The following MIPOL1 variants were observed in gnomAD, a reference collection of about 807,000 sequenced individuals.
The protein encoded by MIPOL1 is mirror-image polydactyly 1, also known as mirror-image polydactyly gene 1 protein.
In MIPOL1, 57 loss-of-function variants were observed where a neutral mutation model predicts 60.9. The ratio of observed to expected loss-of-function variants is 0.94; its 90% CI spans 0.76 to 1.17. The LOEUF is 1.17. MIPOL1 is among the 50% of genes most tolerant of loss of function. MIPOL1 has a pLI of 0.00. For missense variants in MIPOL1, 551 were observed against 511.6 expected (o/e 1.08, Z -0.74); for synonymous variants, 179 against 168.8 (o/e 1.06, Z -0.47).
At chr14:37,351,815 T>C (rs1176901664) in intron 9 of MIPOL1, among the ~76,000 whole-genome samples, 1 of 143,720 alleles carries the variant, frequency 7.0e-6, no homozygotes, top group African/African-American at 2.6e-5. Flanking sequence ...ATTAGCCCTT[T>C]GTCAGATGAG....
intron 9 of MIPOL1, among the ~76,000 whole-genome samples, chr14:37,361,658 G>C (rs6571808): frequency 7.4e-6 from 1 of 135,630 alleles, no homozygotes; most frequent in Non-Finnish European, 1.5e-5. Context: ...CAGTCTGAAG[G>C]GCAGTGGCTC....
At chr14:37,272,994 G>A (rs2083404310) in intron 6 of MIPOL1, among the ~76,000 whole-genome samples, 1 of 151,142 alleles carries the variant, frequency 6.6e-6, no homozygotes, top group Non-Finnish European at 1.5e-5. Flanking sequence ...CTTAGAGTAT[G>A]TAAAATATAG....
In MIPOL1 at chr14:37,372,039, C is replaced by T. The variant is rs190278930; in HGVS notation, c.936+2415C>T. Among the ~76,000 whole-genome samples the T allele has an allele frequency of 5.9e-3, 901 of 152,144 alleles. 5 individuals carry two copies. The highest frequency in any genetic ancestry group is 9.2e-3 in the Non-Finnish European group (627 of 67,978). ...GGAACAACTCTTTAAAAACGATTCA[C>T]TGTCTCTAAAGCTTTCAGTCTGCCA... On this transcript the variant is annotated intron_variant, in intron 10 of 12. Transcript: ENST00000684589.
chr14:37,535,881 C>A (rs1013249948), intron 12 of MIPOL1, among the ~76,000 whole-genome samples: 1 of 151,588 alleles, frequency 6.6e-6, no homozygotes, highest in Admixed American at 6.6e-5. Context: ...TTTTCAATTT[C>A]TTTTTCCTTT....
At chr14:37,472,283 C>T (rs1249698314) in intron 11 of MIPOL1, among the ~76,000 whole-genome samples, 1 of 152,054 alleles carries the variant, frequency 6.6e-6, no homozygotes, top group Non-Finnish European at 1.5e-5. Flanking sequence ...AAAATATTGG[C>T]CCTATGTAAG....
At chr14:37,542,347 TCTC>T (rs1258558912) in intron 12 of MIPOL1, among the ~76,000 whole-genome samples, 1 of 152,102 alleles carries the variant, frequency 6.6e-6, no homozygotes, top group Non-Finnish European at 1.5e-5. Context: ...CTCCCTCTCT[TCTC>T]CTTTTTTATT....
At chr14:37,532,027 C>T (rs749433301) in intron 12 of MIPOL1, among the ~76,000 whole-genome samples, 11 of 152,074 alleles carry the variant, frequency 7.2e-5, no homozygotes, top group African/African-American at 1.2e-4. Flanking sequence ...GTATTACTTA[C>T]GCATTTCTGA....
intron 7 of MIPOL1, among the ~76,000 whole-genome samples, chr14:37,299,559 C>T (rs1007449976): frequency 1.1e-4 from 16 of 151,938 alleles, no homozygotes; most frequent in Admixed American, 2.0e-4. Flanking sequence ...TTTTGGTGTT[C>T]GGATTTCACT....
At chr14:37,443,940 A>C (rs1371403187) in intron 11 of MIPOL1, among the ~76,000 whole-genome samples, 1 of 152,098 alleles carries the variant, frequency 6.6e-6, no homozygotes, top group Non-Finnish European at 1.5e-5. Flanking sequence ...CATGTGATGA[A>C]ATTCAAAACC....
intron 11 of MIPOL1, among the ~76,000 whole-genome samples, chr14:37,426,637 T>TAC (rs968619870): frequency 6.3e-5 from 9 of 143,576 alleles, no homozygotes; most frequent in African/African-American, 1.8e-4. Flanking sequence ...TGTATATATA[T>TAC]ATATTATATA....
chr14:37,472,012 A>G lies in MIPOL1; in HGVS notation c.1032-27896A>G, dbSNP rs1302747024. Among the ~76,000 whole-genome samples, 3 of 152,304 alleles carry G rather than the reference A, an allele frequency of 2.0e-5. No homozygotes were observed. The East Asian group carries it at 5.8e-4, about 29-fold the overall frequency. Reference sequence around the variant, plus strand: ...ATGCAGTGACCCAATTCCAAGTAAAACAAAGCATATGCTTACAGTAGGCAT... The same window carrying G: ...ATGCAGTGACCCAATTCCAAGTAAAGCAAAGCATATGCTTACAGTAGGCAT... On this transcript the variant is annotated intron_variant, in intron 11 of 12. Coordinates refer to ENST00000684589, the MANE Select transcript of MIPOL1 (RefSeq NM_001388067.1).
chr14:37,309,505 T>C (rs1567402015), intron 9 of MIPOL1, among the ~76,000 whole-genome samples: 2 of 152,140 alleles, frequency 1.3e-5, no homozygotes. Context: ...CTTTCAAAAA[T>C]TGCAGCCTCT....
intron 11 of MIPOL1, among the ~76,000 whole-genome samples, chr14:37,485,635 A>C (rs569532916): frequency 6.6e-6 from 1 of 152,030 alleles, no homozygotes; most frequent in Non-Finnish European, 1.5e-5. Flanking sequence ...TCTTCTTTTG[A>C]GAAGTTTCTG....
At chr14:37,492,214 C>T (rs2095057244) in intron 11 of MIPOL1, among the ~76,000 whole-genome samples, 1 of 152,130 alleles carries the variant, frequency 6.6e-6, no homozygotes, top group South Asian at 2.1e-4. Flanking sequence ...TAGACATTAT[C>T]CTTTCAGAAA....
intron 11 of MIPOL1, among the ~76,000 whole-genome samples, chr14:37,447,876 C>A (rs1160378315): frequency 6.6e-6 from 1 of 151,964 alleles, no homozygotes; most frequent in Non-Finnish European, 1.5e-5. Flanking sequence ...TGGTACCTAT[C>A]TTTTTAATGT....
At chr14:37,330,550 C>A (rs1234122269) in intron 9 of MIPOL1, among the ~76,000 whole-genome samples, 3 of 151,988 alleles carry the variant, frequency 2.0e-5, no homozygotes, top group Non-Finnish European at 4.4e-5. Context: ...GATATAATAG[C>A]CTTTATGTTT....
intron 11 of MIPOL1, among the ~76,000 whole-genome samples, chr14:37,479,279 A>T (rs1566679174): frequency 6.6e-6 from 1 of 152,178 alleles, no homozygotes; most frequent in Admixed American, 6.5e-5. Context: ...ATTCTCCAGG[A>T]TAGATCACCT....
chr14:37,497,850 G>A (rs2095155892), intron 11 of MIPOL1, among the ~76,000 whole-genome samples: 1 of 152,130 alleles, frequency 6.6e-6, no homozygotes, highest in Non-Finnish European at 1.5e-5. Flanking sequence ...AACTAATTTG[G>A]AAGACTATTA....
intron 9 of MIPOL1, among the ~76,000 whole-genome samples, chr14:37,311,347 T>A (rs1234756184): frequency 6.6e-6 from 1 of 152,200 alleles, no homozygotes; most frequent in Non-Finnish European, 1.5e-5. Context: ...ACTCATTCCC[T>A]CTTCCTATCT....
Sources: gnomAD v4.1 joint callset for allele counts (sites outside exome capture counted in the v4.1 genomes callset) on GRCh38, gnomAD v4.1.1 for gene constraint, MANE v1.5 for transcripts, NCBI Gene and HGNC (gene_info 2026-07-23, HGNC 2026-07-21) for gene names.